BABAM2: variants seen among roughly 807,000 people sequenced by gnomAD.
The protein encoded by BABAM2 is BRISC and BRCA1-A complex member 2.
BABAM2 carries 31 observed loss-of-function variants against 54.7 expected under a neutral mutation model. The observed-to-expected ratio is 0.57, with a 90% CI of 0.43 to 0.77. The LOEUF (loss-of-function observed/expected upper bound fraction) is 0.77. BABAM2 is among the 30% of genes least tolerant of loss of function. BABAM2 has a pLI of 0.00. For synonymous variants in BABAM2, 167 were observed against 162.9 expected (o/e 1.03, Z -0.19); for missense variants, 364 against 455.8 (o/e 0.80, Z 1.83).
At chr2:28,244,399 A>G (rs1445166942) in intron 9 of BABAM2, among the ~76,000 whole-genome samples, 3 of 152,152 alleles carry the variant, frequency 2.0e-5, no homozygotes. Context: ...ATTTCTTAAT[A>G]TGTCCTTCTA....
chr2:28,314,853 C>T (rs571195767), intron 11 of BABAM2, among the ~76,000 whole-genome samples: 2 of 150,738 alleles, frequency 1.3e-5, no homozygotes, highest in South Asian at 4.2e-4. Flanking sequence ...GAGGACACTC[C>T]TCCAGAGGAA....
chr2:28,042,978 C>G (rs1382153949), intron 5 of BABAM2, among the ~76,000 whole-genome samples: 6 of 151,344 alleles, frequency 4.0e-5, no homozygotes, highest in Non-Finnish European at 7.4e-5. Flanking sequence ...GAGCTGAGAT[C>G]GCGCCACTGC....
chr2:28,065,502 A>G (rs1300415684), intron 6 of BABAM2, among the ~76,000 whole-genome samples: 1 of 152,178 alleles, frequency 6.6e-6, no homozygotes. Context: ...GATGAGGGAA[A>G]GGAAACTACA....
chr2:28,106,781 A>C (rs571995448), intron 6 of BABAM2, among the ~76,000 whole-genome samples: 30 of 152,176 alleles, frequency 2.0e-4, no homozygotes, highest in Non-Finnish European at 4.3e-4. Flanking sequence ...AAACCACCCA[A>C]ATATCCTATT....
At chr2:28,324,801 G>C (rs1458563964) in intron 11 of BABAM2, among the ~76,000 whole-genome samples, 2 of 151,994 alleles carry the variant, frequency 1.3e-5, no homozygotes, top group Non-Finnish European at 2.9e-5. Context: ...GAGAGACCTT[G>C]TCTCAAGAAA....
intron 5 of BABAM2, among the ~76,000 whole-genome samples, chr2:28,043,646 T>C (rs1487403035): frequency 1.3e-5 from 2 of 152,206 alleles, no homozygotes; most frequent in Admixed American, 1.3e-4. Context: ...CTTTTTAGGT[T>C]TAGCTGTGTC....
At chr2:27,987,358 A>G (rs950955296) in intron 3 of BABAM2, among the ~76,000 whole-genome samples, 1 of 152,236 alleles carries the variant, frequency 6.6e-6, no homozygotes, top group Non-Finnish European at 1.5e-5. Context: ...GTAAAGGCTT[A>G]CTAATTAATT....
intron 10 of BABAM2, among the ~76,000 whole-genome samples, chr2:28,287,065 A>G (rs1686886985): frequency 1.3e-5 from 2 of 152,128 alleles, no homozygotes; most frequent in Admixed American, 1.3e-4. Context: ...CTAATTTTTC[A>G]AGACAGGAAT....
chr2:28,227,559 T>C (rs192626697), intron 7 of BABAM2, among the ~76,000 whole-genome samples: 1 of 152,292 alleles, frequency 6.6e-6, no homozygotes. Context: ...GAAACCACCT[T>C]TTTTCTGGTA....
At chr2:27,987,613 G>A (rs1459375699) in intron 3 of BABAM2, among the ~76,000 whole-genome samples, 1 of 151,900 alleles carries the variant, frequency 6.6e-6, no homozygotes, top group Admixed American at 6.6e-5. Context: ...TCAGGAGTTC[G>A]AGACCAGCCT....
intron 6 of BABAM2, among the ~76,000 whole-genome samples, chr2:28,127,060 T>G (rs1669612701): frequency 6.6e-6 from 1 of 152,138 alleles, no homozygotes; most frequent in Non-Finnish European, 1.5e-5. Flanking sequence ...GATGAGTAGG[T>G]TGCGAAAATT....
At chr2:28,208,538 CT>C (rs772183029) in intron 7 of BABAM2, among the ~76,000 whole-genome samples, 6 of 152,204 alleles carry the variant, frequency 3.9e-5, no homozygotes, top group Admixed American at 1.3e-4. Flanking sequence ...CAAATTCTTC[CT>C]TTATTGTACC....
intron 10 of BABAM2, among the ~76,000 whole-genome samples, chr2:28,253,895 C>T (rs1683722527): frequency 6.6e-6 from 1 of 152,194 alleles, no homozygotes; most frequent in Non-Finnish European, 1.5e-5. Context: ...TTATAATCCC[C>T]TGTCCTGTGG....
intron 2 of BABAM2, among the ~76,000 whole-genome samples, chr2:27,905,624 G>T (rs953643406): frequency 6.6e-6 from 1 of 152,096 alleles, no homozygotes; most frequent in African/African-American, 2.4e-5. Context: ...TGTTATTGTT[G>T]TCACATTGTT....
chr2:28,002,769 T>C (rs1673668245), intron 4 of BABAM2, among the ~76,000 whole-genome samples: 1 of 152,208 alleles, frequency 6.6e-6, no homozygotes, highest in Non-Finnish European at 1.5e-5. Context: ...TTTAATGTGA[T>C]AAACTAAACA....
At chr2:27,973,544 C>T (rs1671375014) in intron 3 of BABAM2, among the ~76,000 whole-genome samples, 1 of 151,858 alleles carries the variant, frequency 6.6e-6, no homozygotes, top group South Asian at 2.1e-4. Flanking sequence ...GTTTCTTCTC[C>T]AGATTGACAC....
chr2:28,190,701 G>A (rs902525904), intron 7 of BABAM2, among the ~76,000 whole-genome samples: 5 of 151,990 alleles, frequency 3.3e-5, no homozygotes, highest in African/African-American at 9.7e-5. Context: ...AACAAGGGGG[G>A]GGCGGTGCTG....
intron 6 of BABAM2, among the ~76,000 whole-genome samples, chr2:28,085,436 G>A (rs1665552239): frequency 6.6e-6 from 1 of 152,130 alleles, no homozygotes; most frequent in Admixed American, 6.6e-5. Flanking sequence ...TCATAAAGAA[G>A]TCATTTTAGA....
At chr2:28,159,945 C>T (rs1197500139) in intron 7 of BABAM2, among the ~76,000 whole-genome samples, 1 of 151,314 alleles carries the variant, frequency 6.6e-6, no homozygotes, top group Non-Finnish European at 1.5e-5. Context: ...AAGGGTTTTA[C>T]ATCCTGAAAG....
Sources: gnomAD v4.1 joint callset for allele counts (sites outside exome capture counted in the v4.1 genomes callset) on GRCh38, gnomAD v4.1.1 for gene constraint, MANE v1.5 for transcripts, NCBI Gene and HGNC (gene_info 2026-07-23, HGNC 2026-07-21) for gene names.